The following COP1 variants were observed in gnomAD, a reference collection of about 807,000 sequenced individuals.
COP1 encodes E3 ubiquitin-protein ligase COP1.
COP1 carries 24 observed loss-of-function variants against 101.3 expected under a neutral mutation model. That is an observed-to-expected ratio of 0.24 (90% CI 0.17 to 0.33). The LOEUF (loss-of-function observed/expected upper bound fraction) is 0.33, where lower values mean the gene tolerates loss of function less well. Ranked by LOEUF, COP1 falls within the 10% of genes least tolerant of loss-of-function variation. COP1 has a pLI of 1.00. For missense variants in COP1, 663 were observed against 906.2 expected, an observed-to-expected ratio of 0.73 and a Z score of 3.45; for synonymous variants, 347 against 341.9, an observed-to-expected ratio of 1.01 and a Z score of -0.17.
At chr1:175,968,567 C>A (rs752144895) in intron 18 of COP1, 4 of 501,154 alleles carry the variant, frequency 8.0e-6, no homozygotes, top group African/African-American at 7.9e-5. Context: ...ATTAAGAAGA[C>A]TTTTGTTAAC....
chr1:176,085,250 C>A (rs1167265635), intron 10 of COP1, among the ~76,000 whole-genome samples: 2 of 151,768 alleles, frequency 1.3e-5, no homozygotes, highest in African/African-American at 4.8e-5. Context: ...ATTTTCAATT[C>A]GGCCTGGATT....
chr1:176,183,170 T>C (rs1214697376), intron 2 of COP1, among the ~76,000 whole-genome samples: 1 of 152,214 alleles, frequency 6.6e-6, no homozygotes, highest in Non-Finnish European at 1.5e-5. Flanking sequence ...CACTAAAGCA[T>C]CATGCTCCAG....
At chr1:176,117,926 A>T (rs1686485237) in intron 8 of COP1, among the ~76,000 whole-genome samples, 1 of 152,098 alleles carries the variant, frequency 6.6e-6, no homozygotes, top group Non-Finnish European at 1.5e-5. Context: ...ACAAAAAACC[A>T]ACAAAAAAGT....
chr1:176,145,861 C>T (rs1003101194), intron 6 of COP1, among the ~76,000 whole-genome samples: 1 of 152,072 alleles, frequency 6.6e-6, no homozygotes, highest in Non-Finnish European at 1.5e-5. Context: ...TATTGGTTAC[C>T]TAATGGGCAA....
chr1:176,150,750 A>G (rs1160272150), intron 5 of COP1, among the ~76,000 whole-genome samples: 6 of 152,226 alleles, frequency 3.9e-5, no homozygotes. Flanking sequence ...GAATATGTAA[A>G]TATGACAAGA....
chr1:175,947,105 TA>T, intron 19 of COP1, 89 bp downstream of exon 19: 1 of 901,566 alleles, frequency 1.1e-6, no homozygotes, highest in Non-Finnish European at 1.8e-6. Flanking sequence ...GGATGATCTC[TA>T]AGGCTCAGTA....
At chr1:176,187,258 T>G (rs540981495) in intron 1 of COP1, among the ~76,000 whole-genome samples, 1 of 152,220 alleles carries the variant, frequency 6.6e-6, no homozygotes, top group African/African-American at 2.4e-5. Context: ...CTCAAGTAGC[T>G]GGGACTACAG....
chr1:175,992,455 C>T lies in COP1; in HGVS notation c.1730-2976G>A, dbSNP rs575146207. Among the ~76,000 whole-genome samples the T allele has an allele frequency of 1.1e-4, 16 of 152,248 alleles. No individual in the cohort carries two copies. In the South Asian group the frequency reaches 2.7e-3, roughly 26 times the overall value. On this transcript the variant is annotated intron_variant, in intron 15 of 19. Transcript: ENST00000367669. ...AAGCAGGGTGAGGCATTGCCTCACT[C>T]GGGAAGCGCAAGGGGTCAGGGAGTT...
chr1:175,961,238 ACTATACATGTC>A (rs1174460339), intron 18 of COP1, among the ~76,000 whole-genome samples: 2 of 152,200 alleles, frequency 1.3e-5, no homozygotes, highest in Non-Finnish European at 2.9e-5. Context: ...CATAGATCTA[ACTATACATGTC>A]CTATTACTTC....
chr1:176,009,116 C>T (rs1664133500), intron 15 of COP1, among the ~76,000 whole-genome samples: 1 of 152,192 alleles, frequency 6.6e-6, no homozygotes, highest in Admixed American at 6.5e-5. Context: ...CACGTCAGAG[C>T]TTCTTGACCC....
At chr1:176,051,418 G>T (rs1355678348) in intron 11 of COP1, among the ~76,000 whole-genome samples, 1 of 152,186 alleles carries the variant, frequency 6.6e-6, no homozygotes, top group Non-Finnish European at 1.5e-5. Flanking sequence ...GGTTTGTGGA[G>T]AAGATGGTGT....
At chr1:176,203,825 A>G (rs1700548304) in intron 1 of COP1, among the ~76,000 whole-genome samples, 1 of 152,218 alleles carries the variant, frequency 6.6e-6, no homozygotes, top group African/African-American at 2.4e-5. Context: ...AGGAGAGGCC[A>G]ATGTTTATTA....
chr1:176,181,073 G>T (rs1372472368), intron 2 of COP1, among the ~76,000 whole-genome samples: 1 of 152,180 alleles, frequency 6.6e-6, no homozygotes, highest in African/African-American at 2.4e-5. Context: ...GTAAAAGTCA[G>T]ATTTCTTATT....
At chr1:176,085,075 TA>T (rs891031995) in intron 10 of COP1, among the ~76,000 whole-genome samples, 38 of 152,316 alleles carry the variant, frequency 2.5e-4, no homozygotes, top group African/African-American at 8.7e-4. Flanking sequence ...ATTACTTTTT[TA>T]CAGTAATAAA....
At chr1:175,965,177 T>TAGG (rs1001616042) in intron 18 of COP1, among the ~76,000 whole-genome samples, 1 of 152,164 alleles carries the variant, frequency 6.6e-6, no homozygotes, top group Non-Finnish European at 1.5e-5. Context: ...TCTCCTCATG[T>TAGG]AGGAGGTCAT....
At chr1:176,030,544 T>C (rs903060678) in intron 14 of COP1, among the ~76,000 whole-genome samples, 9 of 152,328 alleles carry the variant, frequency 5.9e-5, no homozygotes, top group African/African-American at 1.2e-4. Flanking sequence ...AGGTCTTTTG[T>C]AATTTCATGG....
At chr1:176,163,776 T>G (rs754235820) in intron 4 of COP1, 39 bp downstream of exon 4, 25 of 1,268,404 alleles carry the variant, frequency 2.0e-5, no homozygotes, top group Admixed American at 1.1e-4. Context: ...AACAACAAAA[T>G]GAAATTTATT....
chr1:175,952,540 A>T (rs984147406), intron 18 of COP1, among the ~76,000 whole-genome samples: 2 of 152,084 alleles, frequency 1.3e-5, no homozygotes. Flanking sequence ...TCACAAACAG[A>T]CCTGCGCTGT....
intron 18 of COP1, among the ~76,000 whole-genome samples, chr1:175,980,350 T>C (rs1238696770): frequency 8.2e-6 from 1 of 122,606 alleles, no homozygotes; most frequent in Non-Finnish European, 1.9e-5. Context: ...GAAACTTAGG[T>C]AAGCAAAACA....
Sources: allele counts gnomAD v4.1 joint callset (sites outside exome capture counted in the v4.1 genomes callset), GRCh38; gene constraint gnomAD v4.1.1; transcripts MANE v1.5; gene names NCBI Gene and HGNC (gene_info 2026-07-23, HGNC 2026-07-21).